Variants in UNC13C observed in about 807,000 individuals in gnomAD.
UNC13C encodes unc-13 homolog C.
In UNC13C, 174 loss-of-function variants were observed where a neutral mutation model predicts 245.4. The observed-to-expected ratio is 0.71, with a 90% CI of 0.63 to 0.80. The LOEUF is 0.80. Ranked by LOEUF, UNC13C falls within the 30% of genes least tolerant of loss-of-function variation. UNC13C has a pLI of 0.00. For missense variants in UNC13C, 2,829 were observed against 2,602.9 expected, an observed-to-expected ratio of 1.09 and a Z score of -1.89; for synonymous variants, 992 against 895.1, an observed-to-expected ratio of 1.11 and a Z score of -1.93.
chr15:54,102,245 C>T (rs16974100), intron 2 of UNC13C, among the ~76,000 whole-genome samples: 4,273 of 151,936 alleles, frequency 0.028, 198 homozygotes, highest in African/African-American at 0.098. Flanking sequence ...AAACTTCTGC[C>T]AGATCCTTCT....
At chr15:53,911,172 A>T in the UNC13C span, 1 of 152,166 alleles carries the variant, frequency 6.6e-6, no homozygotes, top group African/African-American at 2.4e-5. Flanking sequence ...CTCCCAGGAC[A>T]AGCTGAGCAC....
At position 54,014,523 on chromosome 15, in the gene UNC13C, T is replaced by C; in HGVS notation, c.1620T>C (p.Asp540=). ...CACCTCTCTGGCACTCACAGAGTGA[T>C]TTTTTCACTGCTAAACTTAGTCGTT... is the stretch of plus-strand genomic sequence containing the variant. ...DATPLWHSQS[D]FFTAKLSRSE... The change falls in exon 2 of 33, where the codon GAT becomes GAC. Residue 540 remains aspartate, a synonymous_variant. Coordinates refer to ENST00000260323, the MANE Select transcript of UNC13C (RefSeq NM_001080534.3). The C allele has an allele frequency of 6.2e-7, 1 of 1,613,852 alleles. No homozygotes were observed. The highest frequency in any genetic ancestry group is 8.5e-7 in the Non-Finnish European group (1 of 1,179,828).
chr15:54,306,580 G>A (rs1414176149), intron 13 of UNC13C, among the ~76,000 whole-genome samples: 2 of 151,918 alleles, frequency 1.3e-5, no homozygotes, highest in Non-Finnish European at 2.9e-5. Context: ...GAACACATCC[G>A]GGGAATTCTA....
chr15:54,172,324 A>T (rs559711342), intron 4 of UNC13C, among the ~76,000 whole-genome samples: 1 of 152,036 alleles, frequency 6.6e-6, no homozygotes, highest in African/African-American at 2.4e-5. Flanking sequence ...CTCTTATGTG[A>T]TTATTATGTA....
chr15:54,418,493 C>T (rs1052699666), intron 19 of UNC13C, among the ~76,000 whole-genome samples: 3 of 152,098 alleles, frequency 2.0e-5, no homozygotes, highest in Non-Finnish European at 4.4e-5. Context: ...TCTTCCCGCA[C>T]CCTGTCTGCC....
chr15:54,580,608 C>T lies in UNC13C; in HGVS notation c.6106+12661C>T, dbSNP rs924391578. The stretch of plus-strand genomic sequence containing the variant: ...AAATGGAAAGCATAATAATTCATAC[C>T]GTGTGGAGTTGCTGGGAGAACTACA... On this transcript the variant is annotated intron_variant, in intron 30 of 32. Transcript: ENST00000260323. Among the ~76,000 whole-genome samples the T allele has an allele frequency of 5.9e-5, 9 of 152,002 alleles. No homozygotes were observed. In the South Asian group the frequency reaches 1.0e-3, roughly 18 times the overall value.
At chr15:54,372,607 A>G (rs898645119) in intron 17 of UNC13C, among the ~76,000 whole-genome samples, 1 of 152,356 alleles carries the variant, frequency 6.6e-6, no homozygotes, top group African/African-American at 2.4e-5. Context: ...AAATTGGTAT[A>G]TATGGAATCA....
upstream of UNC13C, chr15:53,974,972 T>A (rs182447697): frequency 6.6e-6 from 1 of 152,248 alleles, no homozygotes; most frequent in East Asian, 1.9e-4. Flanking sequence ...TGTGTCTGGC[T>A]GTTGGCAGGA....
chr15:54,201,267 C>T (rs1476603036), intron 4 of UNC13C, among the ~76,000 whole-genome samples: 1 of 152,014 alleles, frequency 6.6e-6, no homozygotes, highest in African/African-American at 2.4e-5. Context: ...CCTATTGACA[C>T]TATTCCAAAA....
At chr15:54,064,909 A>T (rs1476751806) in intron 2 of UNC13C, among the ~76,000 whole-genome samples, 2 of 152,246 alleles carry the variant, frequency 1.3e-5, no homozygotes, top group Non-Finnish European at 1.5e-5. Context: ...TCAGAGAAAG[A>T]TGAGAGTACT....
chr15:54,448,781 G>T (rs1244527580), intron 19 of UNC13C, among the ~76,000 whole-genome samples: 1 of 152,130 alleles, frequency 6.6e-6, no homozygotes, highest in Non-Finnish European at 1.5e-5. Context: ...TACATTTAAG[G>T]TTAATATTGT....
At chr15:54,509,054 C>G (rs62022398) in intron 23 of UNC13C, among the ~76,000 whole-genome samples, 8,147 of 152,164 alleles carry the variant, frequency 0.054, 349 homozygotes, top group Admixed American at 0.13. Flanking sequence ...ATAAAATTAA[C>G]CAGGTGTGGT....
intron 4 of UNC13C, among the ~76,000 whole-genome samples, chr15:54,214,950 T>G (rs577060258): frequency 1.3e-5 from 2 of 152,004 alleles, no homozygotes; most frequent in African/African-American, 4.8e-5. Context: ...GGATTTTTTT[T>G]CAAAAAAATA....
At chr15:53,961,142 G>A in the UNC13C span, among the ~76,000 whole-genome samples, 2 of 152,214 alleles carry the variant, frequency 1.3e-5, no homozygotes, top group East Asian at 3.9e-4. Flanking sequence ...GCAGCCAGTA[G>A]TCAGTGAACA....
chr15:53,932,214 C>A, the UNC13C span, among the ~76,000 whole-genome samples: 2 of 152,046 alleles, frequency 1.3e-5, no homozygotes, highest in East Asian at 3.9e-4. Context: ...GAGGCTGAGG[C>A]AGGAGAATCG....
Position 54,120,256 on chromosome 15 carries a change from C to A in UNC13C, c.2984-22762C>A, listed in dbSNP as rs189910084. Among the ~76,000 whole-genome samples the A allele has an allele frequency of 3.0e-3, 457 of 152,224 alleles. 3 individuals carry two copies. Among genetic ancestry groups the A allele is most frequent in the Non-Finnish European group, 2.3e-3 (155 of 68,008 alleles). ...TTAGGAGTTAATGCAGCTGGTGACT[C>A]TAAGCTGAAGCCAGTGCTCCATTTT... On this transcript the variant is annotated intron_variant, in intron 2 of 32. Transcript: ENST00000260323.
the UNC13C span, among the ~76,000 whole-genome samples, chr15:53,871,823 C>A: frequency 2.0e-5 from 3 of 152,164 alleles, no homozygotes; most frequent in Admixed American, 6.6e-5. Context: ...TCAAGCCTGA[C>A]GCCAGTGGAA....
intron 19 of UNC13C, among the ~76,000 whole-genome samples, chr15:54,474,706 G>T (rs1052347579): frequency 4.0e-5 from 6 of 151,702 alleles, no homozygotes; most frequent in African/African-American, 1.5e-4. Flanking sequence ...TCCTGGTGTT[G>T]GTCCATTTGC....
At chr15:54,011,207 C>T (rs1456645599) in intron 1 of UNC13C, among the ~76,000 whole-genome samples, 13 of 152,054 alleles carry the variant, frequency 8.5e-5, no homozygotes, top group Non-Finnish European at 7.4e-5. Context: ...TTCGTGTGTG[C>T]AACTGTGGAC....
Sources: gnomAD v4.1 joint callset for allele counts (sites outside exome capture counted in the v4.1 genomes callset) on GRCh38, gnomAD v4.1.1 for gene constraint, MANE v1.5 for transcripts, NCBI Gene and HGNC (gene_info 2026-07-23, HGNC 2026-07-21) for gene names.